Variants in CCDC40 observed in about 807,000 individuals in gnomAD.
CCDC40 encodes the protein coiled-coil domain 40 molecular ruler complex subunit, also known as coiled-coil domain-containing protein 40.
In CCDC40, 104 loss-of-function variants were observed where a neutral mutation model predicts 124.5. That is an observed-to-expected ratio of 0.84 (90% confidence interval 0.71 to 0.98). The LOEUF is 0.98. Among genes scored for constraint, CCDC40 ranks in the 50% least tolerant of loss-of-function variants. The pLI, the probability that CCDC40 is intolerant of heterozygous loss-of-function variation, is 0.00. For synonymous variants in CCDC40, 580 were observed against 602.9 expected (o/e 0.96, Z 0.56); for missense variants, 1,463 against 1,503.9 (o/e 0.97, Z 0.45).
chr17:80,089,852 C>CGGGCCATGAAGGGCGAGATCCACA lies in CCDC40; in HGVS notation c.2803_2826dup (p.Ala935_Arg942dup), dbSNP rs775690491. On this transcript the variant is annotated inframe_insertion, in exon 17 of 20. Coordinates refer to ENST00000397545, the MANE Select transcript of CCDC40 (RefSeq NM_017950.4). ...TTCCGAGATCGGCCAGACGGAGATCCGGGCCATGAAGGGCGAGATCCACAG... is the reference window on the plus strand; with the variant it reads ...TTCCGAGATCGGCCAGACGGAGATCCGGGCCATGAAGGGCGAGATCCACAGGGCCATGAAGGGCGAGATCCACAG... The CGGGCCATGAAGGGCGAGATCCACA allele has an allele frequency of 9.3e-6, 15 of 1,614,238 alleles. No individual in the cohort carries two copies. Among genetic ancestry groups the CGGGCCATGAAGGGCGAGATCCACA allele is most frequent in the African/African-American group, 1.3e-5 (1 of 75,062 alleles).
At chr17:80,053,739 C>T (rs867870783) in intron 7 of CCDC40, among the ~76,000 whole-genome samples, 1 of 152,138 alleles carries the variant, frequency 6.6e-6, no homozygotes, top group Non-Finnish European at 1.5e-5. Flanking sequence ...ACTACAGGGG[C>T]CCGCCACCAT....
intron 19 of CCDC40, among the ~76,000 whole-genome samples, chr17:80,099,149 G>A (rs1238306170): frequency 2.0e-5 from 3 of 151,926 alleles, no homozygotes; most frequent in African/African-American, 4.8e-5. Context: ...AAATTAGCCG[G>A]GCCTGGTGAC....
intron 9 of CCDC40, 67 bp downstream of exon 9, chr17:80,059,047 T>C: frequency 6.3e-7 from 1 of 1,596,502 alleles, no homozygotes; most frequent in South Asian, 1.1e-5. Context: ...AGGGTGCTGG[T>C]GGGTCTACTA....
chr17:80,067,614 G>C (rs1048241588), intron 10 of CCDC40: 1 of 1,536,272 alleles, frequency 6.5e-7, no homozygotes, highest in African/African-American at 1.4e-5. Flanking sequence ...CCTGCCCGGG[G>C]CATCGAGGGC....
intron 1 of CCDC40, 191 bp downstream of exon 1, chr17:80,036,882 G>T (rs527569429): frequency 1.0e-5 from 5 of 480,158 alleles, no homozygotes; most frequent in African/African-American, 8.7e-5. Context: ...TCACCCCCCC[G>T]CCAACCCTTC....
chr17:80,083,150 G>A (rs2143739521), intron 12 of CCDC40, among the ~76,000 whole-genome samples: 1 of 152,090 alleles, frequency 6.6e-6, no homozygotes, highest in East Asian at 1.9e-4. Flanking sequence ...GAGCGGGGGT[G>A]CAGGCCCGGC....
In CCDC40 at chr17:80,086,691, G is replaced by T; in HGVS notation, c.2449+475G>T. On this transcript the variant is annotated intron_variant, in intron 14 of 19. Transcript: ENST00000397545. This position sits in a 1 kb window ranked among gnomAD's most constrained non-coding sequence, Gnocchi z 5.5. ...CAGGGTGCCTGGAATGATGGAGGCG[G>T]GCATCCTTCCTGGACCACTCTCCAC... is the stretch of plus-strand genomic sequence containing the variant. 4.2e-6 allele frequency: 1 copy of T among 235,788 alleles called. No individual in the cohort carries two copies. Among genetic ancestry groups the T allele is most frequent in the Non-Finnish European group, 8.5e-6 (1 of 117,860 alleles). 14.6% of individuals were successfully genotyped at this position (235,788 alleles called of 1,614,324 possible). A position where few individuals can be genotyped will look rare whatever the true frequency, so the allele number is the denominator to read the frequency against.
At chr17:80,042,311 G>C (rs1301496382) in intron 3 of CCDC40, among the ~76,000 whole-genome samples, 1 of 152,070 alleles carries the variant, frequency 6.6e-6, no homozygotes, top group Non-Finnish European at 1.5e-5. Flanking sequence ...GTAGAGATGG[G>C]GTTTCACCAT....
At chr17:80,052,048 C>CG (rs1375763788) in intron 7 of CCDC40, among the ~76,000 whole-genome samples, 1 of 152,216 alleles carries the variant, frequency 6.6e-6, no homozygotes, top group African/African-American at 2.4e-5. Flanking sequence ...CGGCCCTGAC[C>CG]GGGGGGCAGC....
intron 7 of CCDC40, among the ~76,000 whole-genome samples, chr17:80,057,400 C>A (rs1165996918): frequency 6.6e-6 from 1 of 151,974 alleles, no homozygotes; most frequent in Non-Finnish European, 1.5e-5. Context: ...AATGGCTTTG[C>A]AAGTTTAAGC....
At chr17:80,048,919 C>T (rs1383949346) in intron 5 of CCDC40, among the ~76,000 whole-genome samples, 158 bp downstream of exon 5, 1 of 152,184 alleles carries the variant, frequency 6.6e-6, no homozygotes, top group Admixed American at 6.5e-5. Context: ...TGACCTGCCT[C>T]TTCGTAGGGT....
At chr17:80,090,813 C>T in intron 17 of CCDC40, 1 of 1,218,684 alleles carries the variant, frequency 8.2e-7, no homozygotes, top group Non-Finnish European at 1.0e-6. Context: ...TTTCACCATG[C>T]CATGCTAAAT....
chr17:80,067,584 A>T, intron 10 of CCDC40: 2 of 1,536,142 alleles, frequency 1.3e-6, no homozygotes, highest in Non-Finnish European at 1.7e-6. Flanking sequence ...TTCCGCTGGG[A>T]TACTTCTACG....
At chr17:80,048,808 A>G in intron 5 of CCDC40, 47 bp downstream of exon 5, 3 of 1,516,386 alleles carry the variant, frequency 2.0e-6, no homozygotes, top group East Asian at 2.4e-5. Context: ...TGGATGGCGA[A>G]TGACTCAGGC....
At chr17:80,048,852 A>C in intron 5 of CCDC40, 91 bp downstream of exon 5, 1 of 1,148,346 alleles carries the variant, frequency 8.7e-7, no homozygotes, top group Non-Finnish European at 1.3e-6. Context: ...CCCACTCCTG[A>C]CCCTAAATGC....
At position 80,088,082 on chromosome 17, in the gene CCDC40, G is replaced by A; in HGVS notation, c.2691G>A (p.Leu897=). The A allele has an allele frequency of 1.2e-6, 2 of 1,613,588 alleles. No homozygotes were observed. Among genetic ancestry groups the A allele is most frequent in the Non-Finnish European group, 1.7e-6 (2 of 1,179,664 alleles). ...TCAGCGAGGAGAAGGCGACCCTCCTGAATCAACTGGTGGAAGCAGAGTGAG... is the reference window on the plus strand; with the variant it reads ...TCAGCGAGGAGAAGGCGACCCTCCTAAATCAACTGGTGGAAGCAGAGTGAG... The part of the protein sequence containing the change: ...NQLSEEKATL[L]NQLVEAEHQI... The change falls in exon 16 of 20, where the codon CTG becomes CTA. Residue 897 remains leucine, a synonymous_variant. Transcript: ENST00000397545.
At chr17:80,049,200 G>A (rs528774206) in intron 5 of CCDC40, among the ~76,000 whole-genome samples, 239 of 151,304 alleles carry the variant, frequency 1.6e-3, no homozygotes, top group Non-Finnish European at 3.0e-3. Flanking sequence ...TTCGAGACCA[G>A]CCTGGCCAAC....
In CCDC40 at chr17:80,050,052, T is replaced by C. The variant is rs1203138956; in HGVS notation, c.940-12T>C. ...CTGCGTCCTGGTGACCCTGTTTCTC[T>C]CTTTGGTCCAGGTTGTGGCTACCAA... On this transcript the variant is annotated splice_polypyrimidine_tract_variant and intron_variant, in intron 6 of 19. Transcript: ENST00000397545. The C allele has an allele frequency of 1.2e-6, 2 of 1,613,934 alleles. No individual in the cohort carries two copies. Among genetic ancestry groups the C allele is most frequent in the Middle Eastern group, 3.3e-4 (2 of 6,062 alleles).
chr17:80,080,203 A>AT (rs1555897948), intron 10 of CCDC40, among the ~76,000 whole-genome samples: 1 of 66,408 alleles, frequency 1.5e-5, no homozygotes, highest in Non-Finnish European at 3.1e-5. Context: ...CAAAAAAAAA[A>AT]AAAGAAAGAA....
Sources: allele counts gnomAD v4.1 joint callset (sites outside exome capture counted in the v4.1 genomes callset), GRCh38; gene constraint gnomAD v4.1.1; non-coding constraint Gnocchi (gnomAD v3.1); transcripts MANE v1.5; gene names NCBI Gene and HGNC (gene_info 2026-07-23, HGNC 2026-07-21).